Variants in ASB3 observed in about 807,000 individuals in gnomAD.
ASB3 encodes the protein ankyrin repeat and SOCS box containing 3, also known as ankyrin repeat and SOCS box protein 3.
Under a neutral mutation model 54.5 loss-of-function variants are expected in ASB3, and 41 were observed. The ratio of observed to expected loss-of-function variants is 0.75; its 90% confidence interval spans 0.59 to 0.98. The LOEUF is 0.98. ASB3 is among the 50% of genes least tolerant of loss of function. The pLI is 0.00. For synonymous variants in ASB3, 266 were observed against 221.2 expected, an observed-to-expected ratio of 1.20 and a Z score of -1.80; for missense variants, 733 against 620.0, an observed-to-expected ratio of 1.18 and a Z score of -1.94.
intron 2 of ASB3, among the ~76,000 whole-genome samples, chr2:53,755,981 C>T (rs1041966183): frequency 1.4e-4 from 21 of 150,986 alleles, no homozygotes; most frequent in Non-Finnish European, 2.7e-4. Context: ...AGTAAGACCC[C>T]CCCCCCACCT....
intron 7 of ASB3, among the ~76,000 whole-genome samples, chr2:53,709,356 G>C (rs1483707768): frequency 6.6e-6 from 1 of 152,204 alleles, no homozygotes; most frequent in Non-Finnish European, 1.5e-5. Context: ...TTTAAGAGTT[G>C]AGGTTTGGGA....
chr2:53,717,485 T>C (rs1670463468), intron 5 of ASB3, among the ~76,000 whole-genome samples: 2 of 151,400 alleles, frequency 1.3e-5, no homozygotes, highest in African/African-American at 4.9e-5. Flanking sequence ...TTTAAAATCA[T>C]AAATGTGAAA....
intron 5 of ASB3, among the ~76,000 whole-genome samples, chr2:53,726,965 G>A (rs555104399): frequency 6.6e-6 from 1 of 152,230 alleles, no homozygotes; most frequent in Non-Finnish European, 1.5e-5. Context: ...ATGAGCCACT[G>A]ACCCAGGCTA....
At chr2:53,747,867 A>C (rs1443819828) in intron 3 of ASB3, among the ~76,000 whole-genome samples, 1 of 152,198 alleles carries the variant, frequency 6.6e-6, no homozygotes, top group East Asian at 1.9e-4. Flanking sequence ...CACATATGTA[A>C]TGTCTTCATG....
chr2:53,755,819 C>A (rs1672782662), intron 2 of ASB3, among the ~76,000 whole-genome samples: 1 of 152,104 alleles, frequency 6.6e-6, no homozygotes, highest in African/African-American at 2.4e-5. Flanking sequence ...ACATATAACA[C>A]CGAAGGATTA....
chr2:53,761,672 C>T (rs1007819937), intron 2 of ASB3, among the ~76,000 whole-genome samples: 4 of 152,228 alleles, frequency 2.6e-5, no homozygotes, highest in African/African-American at 9.6e-5. Flanking sequence ...CTCCATCTTA[C>T]AGAGAGCATA....
At chr2:53,703,234 A>C (rs1669587854) in intron 7 of ASB3, among the ~76,000 whole-genome samples, 1 of 152,164 alleles carries the variant, frequency 6.6e-6, no homozygotes. Flanking sequence ...TTACTCAATT[A>C]CTCTTGAAAG....
chr2:53,749,493 T>C (rs1419214764), intron 3 of ASB3, among the ~76,000 whole-genome samples: 1 of 152,092 alleles, frequency 6.6e-6, no homozygotes, highest in Non-Finnish European at 1.5e-5. Flanking sequence ...ACAAAACCTG[T>C]CTGCAAATGT....
chr2:53,767,577 T>G, intron 1 of ASB3: 1 of 298,380 alleles, frequency 3.4e-6, no homozygotes. Flanking sequence ...GCATTGTGGG[T>G]ATTGTAGTTT....
chr2:53,722,409 T>TA (rs1341584209), intron 5 of ASB3, among the ~76,000 whole-genome samples: 1 of 152,096 alleles, frequency 6.6e-6, no homozygotes, highest in Admixed American at 6.5e-5. Flanking sequence ...CTGACGAACA[T>TA]AGATACAAAA....
intron 5 of ASB3, among the ~76,000 whole-genome samples, chr2:53,722,159 C>A: frequency 6.7e-6 from 1 of 149,698 alleles, no homozygotes. Context: ...TATCAAGTTC[C>A]AAAACTGAAT....
intron 7 of ASB3, among the ~76,000 whole-genome samples, chr2:53,710,293 G>T (rs1670022212): frequency 6.6e-6 from 1 of 152,096 alleles, no homozygotes; most frequent in Non-Finnish European, 1.5e-5. Context: ...CTTTCATTTG[G>T]CTATGGAGTC....
chr2:53,714,347 A>C, intron 7 of ASB3, 37 bp downstream of exon 7: 3 of 1,605,444 alleles, frequency 1.9e-6, no homozygotes, highest in Non-Finnish European at 2.5e-6. Flanking sequence ...ATACAGCAAA[A>C]AAGAATAAAA....
At chr2:53,757,632 T>C (rs1672908537) in intron 2 of ASB3, among the ~76,000 whole-genome samples, 1 of 152,226 alleles carries the variant, frequency 6.6e-6, no homozygotes, top group African/African-American at 2.4e-5. Flanking sequence ...GAGCAAGTTG[T>C]ATCTCCAAAG....
chr2:53,692,024 A>T (rs559521260), intron 9 of ASB3, among the ~76,000 whole-genome samples: 1 of 152,298 alleles, frequency 6.6e-6, no homozygotes, highest in East Asian at 1.9e-4. Context: ...ATAATTCTTT[A>T]GTGTAGGAGG....
intron 2 of ASB3, among the ~76,000 whole-genome samples, chr2:53,755,333 T>C (rs1338878894): frequency 2.0e-5 from 3 of 152,208 alleles, no homozygotes; most frequent in African/African-American, 7.2e-5. Flanking sequence ...TTTTTACTTA[T>C]GAATAATAAA....
At position 53,674,569 on chromosome 2, in the gene ASB3, T is replaced by C. The variant is rs572401624; in HGVS notation, c.1370-3879A>G. On this transcript the variant is annotated intron_variant, in intron 9 of 9. Transcript: ENST00000263634. Reference sequence around the variant, plus strand: ...ATAGCACAAAACTATATCTATATCATACACACCCACTATATTTTCTACATT... The same window carrying C: ...ATAGCACAAAACTATATCTATATCACACACACCCACTATATTTTCTACATT... Among the ~76,000 whole-genome samples the C allele has an allele frequency of 2.6e-5, 4 of 152,308 alleles. No individual in the cohort carries two copies. The East Asian group carries it at 7.7e-4, about 29-fold the overall frequency.
At chr2:53,706,318 T>C (rs1012762996) in intron 7 of ASB3, among the ~76,000 whole-genome samples, 3 of 152,226 alleles carry the variant, frequency 2.0e-5, no homozygotes, top group Non-Finnish European at 2.9e-5. Context: ...CACAAATATA[T>C]TTTTAATGCC....
chr2:53,723,479 C>A (rs1049660204), intron 5 of ASB3, among the ~76,000 whole-genome samples: 3 of 152,046 alleles, frequency 2.0e-5, no homozygotes, highest in Non-Finnish European at 4.4e-5. Context: ...TATCCCTCAC[C>A]CCCTTCCCAT....
Sources: gnomAD v4.1 joint callset for allele counts (sites outside exome capture counted in the v4.1 genomes callset) on GRCh38, gnomAD v4.1.1 for gene constraint, MANE v1.5 for transcripts, NCBI Gene and HGNC (gene_info 2026-07-23, HGNC 2026-07-21) for gene names.